Variants in BCAS3 observed in about 807,000 individuals in gnomAD.
BCAS3 encodes BCAS3 microtubule associated cell migration factor, also known as BCAS4/BCAS3 fusion.
In BCAS3, 53 loss-of-function variants were observed where a neutral mutation model predicts 116.1. The observed-to-expected ratio is 0.46, with a 90% confidence interval of 0.37 to 0.57. The LOEUF (loss-of-function observed/expected upper bound fraction) is 0.57, where lower values mean the gene tolerates loss of function less well. Among genes scored for constraint, BCAS3 ranks in the 20% least tolerant of loss-of-function variants. The pLI, the probability that BCAS3 is intolerant of heterozygous loss-of-function variation, is 0.00. For synonymous variants in BCAS3, 391 were observed against 408.2 expected, an observed-to-expected ratio of 0.96 and a Z score of 0.51; for missense variants, 917 against 1,165.4, an observed-to-expected ratio of 0.79 and a Z score of 3.10.
intron 15 of BCAS3, among the ~76,000 whole-genome samples, chr17:61,006,761 T>G (rs983666499): frequency 1.3e-5 from 2 of 152,034 alleles, no homozygotes; most frequent in African/African-American, 2.4e-5. Flanking sequence ...GAGGGTGCTT[T>G]AATATGATAC....
intron 9 of BCAS3, among the ~76,000 whole-genome samples, chr17:60,881,644 T>C (rs1236953321): frequency 2.9e-5 from 4 of 136,180 alleles, no homozygotes; most frequent in Non-Finnish European, 4.6e-5. Flanking sequence ...CCTGTGTCCA[T>C]GTGATCTCAT....
rs2067140595 is a variant in BCAS3, at chr17:61,037,623, T to G, written c.1763-266T>G. 6.6e-6 allele frequency among the ~76,000 whole-genome samples: 1 copy of G among 152,004 alleles called. No homozygotes were observed. Among genetic ancestry groups the G allele is most frequent in the Non-Finnish European group, 1.5e-5 (1 of 67,996 alleles). Reference sequence around the variant, plus strand: ...CCTATCTCTACTAAAAATACAAAAATTAGCCGGGTGTGGTGACAGGAGCCT... The same window carrying G: ...CCTATCTCTACTAAAAATACAAAAAGTAGCCGGGTGTGGTGACAGGAGCCT... On this transcript the variant is annotated intron_variant, in intron 17 of 23. Transcript: ENST00000407086. This position sits in a 1 kb window ranked among gnomAD's most constrained non-coding sequence, Gnocchi z 4.7.
Position 61,309,689 on chromosome 17 carries a change from G to A in BCAS3, c.2426-58638G>A, listed in dbSNP as rs2054144235. On this transcript the variant is annotated intron_variant, in intron 22 of 23. Transcript: ENST00000407086. The surrounding 1 kb of genome is among the most constrained non-coding windows in gnomAD (Gnocchi z 4.6). The stretch of plus-strand genomic sequence containing the variant: ...CCAGAAGGCACTGTGAGCAAAGCCT[G>A]GAACTGGAGAGATGACCCAGGGTCT... Among the ~76,000 whole-genome samples, 1 of 152,214 alleles carries A rather than the reference G, an allele frequency of 6.6e-6. No individual in the cohort carries two copies. Among genetic ancestry groups the A allele is most frequent in the African/African-American group, 2.4e-5 (1 of 41,452 alleles).
rs1238633804 is a variant in BCAS3 at position 61,265,264 on chromosome 17, T to C, written c.2426-103063T>C. ...CCCTGTCTCTGCTAAAAATACAAAA[T>C]TAGCCGGCATGGTGGCGCATGCCTG... On this transcript the variant is annotated intron_variant, in intron 22 of 23. Coordinates refer to ENST00000407086, the MANE Select transcript of BCAS3 (RefSeq NM_017679.5). The surrounding 1 kb of genome is among the most constrained non-coding windows in gnomAD (Gnocchi z 4.3). Among the ~76,000 whole-genome samples the C allele has an allele frequency of 6.6e-6, 1 of 152,024 alleles. No individual in the cohort carries two copies. The highest frequency in any genetic ancestry group is 1.9e-4 in the East Asian group (1 of 5,162).
chr17:61,033,482 G>T (rs1409184695), intron 16 of BCAS3, among the ~76,000 whole-genome samples: 1 of 152,142 alleles, frequency 6.6e-6, no homozygotes, highest in Non-Finnish European at 1.5e-5. Flanking sequence ...TTAACCAAAA[G>T]TCACACAGCT....
intron 5 of BCAS3, among the ~76,000 whole-genome samples, chr17:60,742,910 G>A (rs149284450): frequency 0.032 from 4,803 of 151,652 alleles, 239 homozygotes; most frequent in African/African-American, 0.1. Context: ...TCAGGAGATT[G>A]AGACCATCCT....
intron 22 of BCAS3, among the ~76,000 whole-genome samples, chr17:61,231,921 A>G (rs1171225066): frequency 6.6e-6 from 1 of 151,418 alleles, no homozygotes; most frequent in East Asian, 1.9e-4. Context: ...AAAGAAGGAA[A>G]AGAGGCCTGA....
intron 22 of BCAS3, among the ~76,000 whole-genome samples, chr17:61,247,797 T>C (rs1336822274): frequency 6.6e-6 from 1 of 152,172 alleles, no homozygotes; most frequent in African/African-American, 2.4e-5. Context: ...TTCTCCTATC[T>C]ACCATCAGGC....
chr17:60,912,023 C>T (rs2058541314), intron 12 of BCAS3, among the ~76,000 whole-genome samples: 1 of 152,108 alleles, frequency 6.6e-6, no homozygotes, highest in Admixed American at 6.5e-5. Flanking sequence ...ATACATGTTA[C>T]ATTTGCTTAT....
At chr17:60,714,546 T>G (rs113312809) in intron 5 of BCAS3, among the ~76,000 whole-genome samples, 2,712 of 152,024 alleles carry the variant, frequency 0.018, 76 homozygotes, top group African/African-American at 0.059. Flanking sequence ...CCAGCTACTT[T>G]GGAGGCTGAG....
rs1000170487 is a variant in BCAS3 at position 60,897,087 on chromosome 17, T to C, written c.739-5533T>C. On this transcript the variant is annotated intron_variant, in intron 10 of 23. Coordinates refer to ENST00000407086, the MANE Select transcript of BCAS3 (RefSeq NM_017679.5). Reference sequence around the variant, plus strand: ...TTAGGGCTACTTTGAGCATGTCTTGTAGGGTCAATATAGTGATAATGAATT... The same window carrying C: ...TTAGGGCTACTTTGAGCATGTCTTGCAGGGTCAATATAGTGATAATGAATT... 6.6e-5 allele frequency among the ~76,000 whole-genome samples: 10 copies of C among 152,320 alleles called. No individual in the cohort carries two copies. The East Asian group carries it at 1.2e-3, about 18-fold the overall frequency.
At chr17:61,373,849 G>A (rs141711543) in intron 23 of BCAS3, among the ~76,000 whole-genome samples, 24 of 126,040 alleles carry the variant, frequency 1.9e-4, no homozygotes, top group African/African-American at 6.6e-4. Flanking sequence ...CCAGACTGGA[G>A]TACAGTGGTG....
intron 22 of BCAS3, among the ~76,000 whole-genome samples, chr17:61,322,670 T>G (rs750803900): frequency 1.3e-5 from 2 of 152,218 alleles, no homozygotes; most frequent in Non-Finnish European, 2.9e-5. Flanking sequence ...GCCTCTTGTT[T>G]TTTTGTCCTT....
intron 14 of BCAS3, among the ~76,000 whole-genome samples, chr17:60,948,520 C>CA (rs1243369347): frequency 6.6e-6 from 1 of 152,148 alleles, no homozygotes; most frequent in African/African-American, 2.4e-5. Context: ...ACCTTATATG[C>CA]ACTTGCCAAT....
intron 22 of BCAS3, among the ~76,000 whole-genome samples, chr17:61,287,076 G>A (rs1237877692): frequency 2.0e-5 from 3 of 151,810 alleles, no homozygotes; most frequent in Non-Finnish European, 4.4e-5. Context: ...GTGAAACCCC[G>A]TCTCTACTAA....
In BCAS3 at chr17:61,226,645, C is replaced by T. The variant is rs1180430765; in HGVS notation, c.2426-141682C>T. 1.3e-5 allele frequency among the ~76,000 whole-genome samples: 2 copies of T among 152,114 alleles called. No individual in the cohort carries two copies. The highest frequency in any genetic ancestry group is 2.9e-5 in the Non-Finnish European group (2 of 68,024). On this transcript the variant is annotated intron_variant, in intron 22 of 23. Transcript: ENST00000407086. The surrounding 1 kb of genome is among the most constrained non-coding windows in gnomAD (Gnocchi z 6.0). The stretch of plus-strand genomic sequence containing the variant: ...TTTTTGTTCAGATGCAAAATAGCTC[C>T]AGTACTCATGTGTATTTTCTGTATT...
At position 61,021,858 on chromosome 17, in the gene BCAS3, G is replaced by A. The variant is rs2065899315; in HGVS notation, c.1637+5957G>A. Among the ~76,000 whole-genome samples, 1 of 152,066 alleles carries A rather than the reference G, an allele frequency of 6.6e-6. No individual in the cohort carries two copies. The highest frequency in any genetic ancestry group is 2.1e-4 in the South Asian group (1 of 4,830). On this transcript the variant is annotated intron_variant, in intron 16 of 23. Transcript: ENST00000407086. This position sits in a 1 kb window ranked among gnomAD's most constrained non-coding sequence, Gnocchi z 4.6. ...TCTATTCCTTATTTTAATTCAATTA[G>A]GTACACCTTGGCTCAGTTACACAGT...
rs2074654759 is a variant in BCAS3, at chr17:61,106,429, G to T, written c.2425+21865G>T. 6.6e-6 allele frequency among the ~76,000 whole-genome samples: 1 copy of T among 152,166 alleles called. No individual in the cohort carries two copies. Among genetic ancestry groups the T allele is most frequent in the South Asian group, 2.1e-4 (1 of 4,826 alleles). On this transcript the variant is annotated intron_variant, in intron 22 of 23. Coordinates refer to ENST00000407086, the MANE Select transcript of BCAS3 (RefSeq NM_017679.5). This position sits in a 1 kb window ranked among gnomAD's most constrained non-coding sequence, Gnocchi z 4.2. ...CATACTGCACAGATTTTTTGTCTGG[G>T]AGTAATAAAAGAGGTTATAGCATAT...
chr17:61,294,786 A>T (rs1307466447), intron 22 of BCAS3, among the ~76,000 whole-genome samples: 1 of 152,206 alleles, frequency 6.6e-6, no homozygotes, highest in Non-Finnish European at 1.5e-5. Flanking sequence ...TCTGTATTTG[A>T]TGCAGCTGGT....
Sources: gnomAD v4.1 joint callset for allele counts (sites outside exome capture counted in the v4.1 genomes callset) on GRCh38, gnomAD v4.1.1 for gene constraint, Gnocchi (gnomAD v3.1) non-coding constraint, MANE v1.5 for transcripts, NCBI Gene and HGNC (gene_info 2026-07-23, HGNC 2026-07-21) for gene names.